Variants in SIK2 observed in about 807,000 individuals in gnomAD.
SIK2 encodes serine/threonine-protein kinase SIK2.
A neutral mutation model predicts 103.2 loss-of-function variants in SIK2; 29 were observed. That is an observed-to-expected ratio of 0.28 (90% CI 0.21 to 0.38). The LOEUF (loss-of-function observed/expected upper bound fraction) is 0.38, where lower values mean the gene tolerates loss of function less well. Among genes scored for constraint, SIK2 ranks in the 10% least tolerant of loss-of-function variants. SIK2 has a pLI of 1.00. For synonymous variants in SIK2, 412 were observed against 446.1 expected (o/e 0.92, Z 0.96); for missense variants, 879 against 1,171.0 (o/e 0.75, Z 3.64).
chr11:111,625,251 T>A (rs1565315418), intron 3 of SIK2, among the ~76,000 whole-genome samples: 1 of 152,158 alleles, frequency 6.6e-6, no homozygotes. Flanking sequence ...GCTGCTGTGT[T>A]GAGAATGGGA....
intron 3 of SIK2, among the ~76,000 whole-genome samples, chr11:111,647,800 G>A (rs919235633): frequency 4.0e-5 from 6 of 150,302 alleles, no homozygotes; most frequent in South Asian, 2.1e-4. Context: ...CCTGGGAGGC[G>A]GAGCTTGCAG....
intron 3 of SIK2, among the ~76,000 whole-genome samples, chr11:111,639,878 G>C (rs1942158051): frequency 6.6e-6 from 1 of 152,180 alleles, no homozygotes; most frequent in Admixed American, 6.5e-5. Context: ...TACTAGGAAT[G>C]AATGCTTCCT....
chr11:111,714,617 T>G (rs543687411), intron 9 of SIK2, among the ~76,000 whole-genome samples: 1 of 152,080 alleles, frequency 6.6e-6, no homozygotes, highest in Non-Finnish European at 1.5e-5. Flanking sequence ...TAGGGAGAAG[T>G]CCAAACCAGT....
chr11:111,722,503 C>G lies in SIK2; in HGVS notation c.2056-162C>G, dbSNP rs1327546049. Among the ~76,000 whole-genome samples, 5 of 152,214 alleles carry G rather than the reference C, an allele frequency of 3.3e-5. No individual in the cohort carries two copies. In the South Asian group the frequency reaches 1.0e-3, roughly 32 times the overall value. Reference sequence around the variant, plus strand: ...CAGAGATGGCCCAGGCCTGCGGGCCCGATGCTCTTTCAGGGTCTCAGGGAG... The same window carrying G: ...CAGAGATGGCCCAGGCCTGCGGGCCGGATGCTCTTTCAGGGTCTCAGGGAG... On this transcript the variant is annotated intron_variant, in intron 13 of 14. Coordinates refer to ENST00000304987, the MANE Select transcript of SIK2 (RefSeq NM_015191.3). The surrounding 1 kb of genome is among the most constrained non-coding windows in gnomAD (Gnocchi z 4.4).
intron 1 of SIK2, among the ~76,000 whole-genome samples, chr11:111,612,672 T>C (rs1389578531): frequency 6.6e-6 from 1 of 152,148 alleles, no homozygotes; most frequent in East Asian, 1.9e-4. Flanking sequence ...CAGGTTAACC[T>C]TGGAAGCCAC....
chr11:111,696,282 G>A (rs956126801), intron 4 of SIK2, among the ~76,000 whole-genome samples: 1 of 152,198 alleles, frequency 6.6e-6, no homozygotes, highest in African/African-American at 2.4e-5. Context: ...TGTTAAGTCT[G>A]TAGTTTAATT....
intron 3 of SIK2, among the ~76,000 whole-genome samples, chr11:111,658,056 G>T (rs1017636959): frequency 1.3e-5 from 2 of 150,780 alleles, no homozygotes; most frequent in African/African-American, 4.9e-5. Context: ...TTAGAAAGAT[G>T]ATTTTAATTT....
intron 3 of SIK2, among the ~76,000 whole-genome samples, chr11:111,647,724 C>T (rs967040737): frequency 5.3e-5 from 8 of 151,814 alleles, no homozygotes; most frequent in Non-Finnish European, 1.2e-4. Flanking sequence ...CATTATTAGC[C>T]GGGCGTGGTG....
rs141886113 is a variant in SIK2, at chr11:111,688,002, C to T, written c.318C>T (p.Asp106=). The T allele has an allele frequency of 1.9e-5, 30 of 1,613,908 alleles. No homozygotes were observed. The African/African-American group carries it at 3.9e-4, about 21-fold the overall frequency. ...TCTTAATCCTCTCTTCATTTACAGA[C>T]TATCTTGCTAATCATGGCCGGTTAA... is the stretch of plus-strand genomic sequence containing the variant. ...TEYAKNGEIF[D]YLANHGRLNE... is the part of the protein sequence containing the mutation. Residue 106 remains aspartate, a splice_region_variant and synonymous_variant, in exon 4 of 15, where the codon GAC becomes GAT. Coordinates refer to ENST00000304987, the MANE Select transcript of SIK2 (RefSeq NM_015191.3). The surrounding 1 kb of genome is among the most constrained non-coding windows in gnomAD (Gnocchi z 4.2).
Position 111,602,484 on chromosome 11 carries a change from C to A in SIK2, c.-80C>A, listed in dbSNP as rs1031473390. The A allele has an allele frequency of 1.9e-5, 26 of 1,364,006 alleles. No individual in the cohort carries two copies. The highest frequency in any genetic ancestry group is 1.2e-4 in the East Asian group (4 of 32,466). 84.5% of individuals were successfully genotyped at this position (1,364,006 alleles called of 1,614,324 possible). A position where few individuals can be genotyped will look rare whatever the true frequency, so the allele number is the denominator to read the frequency against. ...GGAGCGAAGGAGCAAGCGGAGCGGC[C>A]GTCGCCCAAGCCAAGCCGCGCTGCC... is the stretch of plus-strand genomic sequence containing the variant. On this transcript the variant is annotated 5_prime_UTR_variant, in exon 1 of 15. Coordinates refer to ENST00000304987, the MANE Select transcript of SIK2 (RefSeq NM_015191.3). This position sits in a 1 kb window ranked among gnomAD's most constrained non-coding sequence, Gnocchi z 4.5.
intron 3 of SIK2, among the ~76,000 whole-genome samples, chr11:111,647,670 C>T (rs1942275467): frequency 6.6e-6 from 1 of 151,730 alleles, no homozygotes; most frequent in Admixed American, 6.6e-5. Flanking sequence ...TCGAGACCAT[C>T]CTGGCTAACA....
chr11:111,713,206 A>C (rs1420677807), intron 9 of SIK2, among the ~76,000 whole-genome samples: 1 of 152,166 alleles, frequency 6.6e-6, no homozygotes, highest in Non-Finnish European at 1.5e-5. Context: ...TAGTATGTGG[A>C]ATGAAGTTGG....
rs960975141 is a variant in SIK2 at position 111,729,306 on chromosome 11, A to T, written c.*5177A>T. ...AACCAGGCGGCAGCAGTGCTCGCAGACCCACCCAGGGAGAGCTGTGATGGG... is the reference window on the plus strand; with the variant it reads ...AACCAGGCGGCAGCAGTGCTCGCAGTCCCACCCAGGGAGAGCTGTGATGGG... On this transcript the variant is annotated 3_prime_UTR_variant, in exon 15 of 15. Coordinates refer to ENST00000304987, the MANE Select transcript of SIK2 (RefSeq NM_015191.3). The T allele has an allele frequency of 4.2e-4, 64 of 152,234 alleles. 2 individuals are homozygous for T. Among genetic ancestry groups the T allele is most frequent in the Admixed American group, 4.2e-3 (64 of 15,280 alleles). 9.4% of individuals were successfully genotyped at this position (152,234 alleles called of 1,614,324 possible). A position where few individuals can be genotyped will look rare whatever the true frequency, so the allele number is the denominator to read the frequency against.
intron 12 of SIK2, among the ~76,000 whole-genome samples, chr11:111,721,384 A>G (rs1565395757): frequency 6.6e-6 from 1 of 152,170 alleles, no homozygotes; most frequent in African/African-American, 2.4e-5. Context: ...CACCCAAATG[A>G]AAAATACACA....
chr11:111,628,416 A>ATCTTTCTCTCTTTCTTTCTTTCTTTCTT (rs1941989828), intron 3 of SIK2, among the ~76,000 whole-genome samples: 1 of 125,574 alleles, frequency 8.0e-6, no homozygotes, highest in African/African-American at 2.6e-5. Flanking sequence ...CCGCTTTCAT[A>ATCTTTCTCTCTTTCTTTCTTTCTTTCTT]TCTTTCTTTC....
chr11:111,701,622 T>G lies in SIK2; in HGVS notation c.727+47T>G, dbSNP rs761524507. 1 of 1,589,296 alleles carries G rather than the reference T, an allele frequency of 6.3e-7. No individual in the cohort carries two copies. Among genetic ancestry groups the G allele is most frequent in the South Asian group, 1.1e-5 (1 of 87,120 alleles). Reference sequence around the variant, plus strand: ...TAATGGTGTTTTACAGTGTTAGTGCTCCAAGTGAAATGCCTAGGTAAAAGC... The same window carrying G: ...TAATGGTGTTTTACAGTGTTAGTGCGCCAAGTGAAATGCCTAGGTAAAAGC... On this transcript the variant is annotated intron_variant, in intron 6 of 14. Coordinates refer to ENST00000304987, the MANE Select transcript of SIK2 (RefSeq NM_015191.3). The surrounding 1 kb of genome is among the most constrained non-coding windows in gnomAD (Gnocchi z 4.2).
chr11:111,627,035 G>A (rs968180220), intron 3 of SIK2, among the ~76,000 whole-genome samples: 2 of 152,266 alleles, frequency 1.3e-5, no homozygotes, highest in East Asian at 1.9e-4. Flanking sequence ...CTAAGAAGGC[G>A]GGAGGCACAG....
At chr11:111,712,110 C>A in intron 8 of SIK2, 101 bp from the exon 9 acceptor site, 2 of 1,211,888 alleles carry the variant, frequency 1.7e-6, no homozygotes, top group Non-Finnish European at 2.3e-6. Context: ...AATATTCATT[C>A]TTTAATTGCC....
intron 4 of SIK2, among the ~76,000 whole-genome samples, chr11:111,695,049 G>A (rs952582646): frequency 1.3e-5 from 2 of 152,138 alleles, no homozygotes; most frequent in Non-Finnish European, 2.9e-5. Context: ...ATGCATTGAC[G>A]TCAGTGTTGG....
Sources: allele counts gnomAD v4.1 joint callset (sites outside exome capture counted in the v4.1 genomes callset), GRCh38; gene constraint gnomAD v4.1.1; non-coding constraint Gnocchi (gnomAD v3.1); transcripts MANE v1.5; gene names NCBI Gene and HGNC (gene_info 2026-07-23, HGNC 2026-07-21).